Variants in KAZN observed in about 807,000 individuals in gnomAD.
KAZN encodes the protein kazrin, periplakin interacting protein.
In KAZN, 40 loss-of-function variants were observed where a neutral mutation model predicts 87.4. That is an observed-to-expected ratio of 0.46 (90% CI 0.36 to 0.60). The LOEUF is 0.60. Among genes scored for constraint, KAZN ranks in the 20% least tolerant of loss-of-function variants. The pLI is 0.00. For missense variants in KAZN, 898 were observed against 1,073.9 expected (o/e 0.84, Z 2.29); for synonymous variants, 466 against 458.3 (o/e 1.02, Z -0.22).
chr1:14,577,281 G>T (rs1675250340), intron 2 of KAZN, among the ~76,000 whole-genome samples: 1 of 152,156 alleles, frequency 6.6e-6, no homozygotes, highest in Non-Finnish European at 1.5e-5. Flanking sequence ...ATTGATTTCT[G>T]CTTTTCAAGC....
intron 2 of KAZN, among the ~76,000 whole-genome samples, chr1:14,393,086 A>G (rs1318677731): frequency 1.3e-5 from 2 of 152,082 alleles, no homozygotes; most frequent in Admixed American, 6.5e-5. Context: ...AAACTTGAAT[A>G]TTGTTTGTTT....
At chr1:13,914,110 A>G (rs1214770194) in intron 1 of KAZN, among the ~76,000 whole-genome samples, 2 of 152,226 alleles carry the variant, frequency 1.3e-5, no homozygotes, top group Non-Finnish European at 1.5e-5. Flanking sequence ...AGGAATTTCA[A>G]GCTCATAGGG....
At chr1:14,857,534 C>CAGAT (rs1650279142) in intron 1 of KAZN, among the ~76,000 whole-genome samples, 1 of 150,452 alleles carries the variant, frequency 6.6e-6, no homozygotes, top group Non-Finnish European at 1.5e-5. Context: ...CACACTCTCA[C>CAGAT]AAATAAATAA....
chr1:15,042,498 GAGC>G (rs1184242343), intron 3 of KAZN, among the ~76,000 whole-genome samples: 2 of 152,154 alleles, frequency 1.3e-5, no homozygotes, highest in African/African-American at 4.8e-5. Flanking sequence ...TGAGTGAGGC[GAGC>G]AGGTGCCTGC....
intron 2 of KAZN, among the ~76,000 whole-genome samples, chr1:14,566,901 T>A (rs982314727): frequency 6.6e-6 from 1 of 152,260 alleles, no homozygotes; most frequent in Non-Finnish European, 1.5e-5. Flanking sequence ...TAGTTTGATC[T>A]TCTATCCAGA....
chr1:14,471,918 T>C (rs1668476193), intron 2 of KAZN, among the ~76,000 whole-genome samples: 1 of 152,220 alleles, frequency 6.6e-6, no homozygotes, highest in Non-Finnish European at 1.5e-5. Flanking sequence ...TGTATTAGTC[T>C]CTTACCCGCT....
intron 2 of KAZN, among the ~76,000 whole-genome samples, chr1:14,553,844 C>A (rs991833386): frequency 6.6e-6 from 1 of 152,108 alleles, no homozygotes; most frequent in Admixed American, 6.5e-5. Flanking sequence ...TTGAAATGAC[C>A]AATCCTGGGC....
At position 14,598,911 on chromosome 1, in the gene KAZN, G is replaced by A. The variant is rs949742206; in HGVS notation, c.-87G>A. On this transcript the variant is annotated 5_prime_UTR_variant, in exon 1 of 15. Transcript: ENST00000376030. This position sits in a 1 kb window ranked among gnomAD's most constrained non-coding sequence, Gnocchi z 4.2. ...AGCCGGGCCGCGGAGGACACAACAG[G>A]TAGAGCCGGGGGTGCCCGGCCGCGC... 5 of 1,543,132 alleles carry A rather than the reference G, an allele frequency of 3.2e-6. No homozygotes were observed. In the African/African-American group the frequency reaches 7.1e-5, roughly 22 times the overall value.
At chr1:14,317,001 T>C (rs1237855184) in intron 2 of KAZN, among the ~76,000 whole-genome samples, 1 of 151,978 alleles carries the variant, frequency 6.6e-6, no homozygotes, top group Non-Finnish European at 1.5e-5. Context: ...GAAAGTTTAC[T>C]CCATTATTGG....
At chr1:14,699,731 A>G (rs1319513139) in intron 1 of KAZN, among the ~76,000 whole-genome samples, 4 of 152,216 alleles carry the variant, frequency 2.6e-5, no homozygotes, top group Non-Finnish European at 5.9e-5. Context: ...GTGCTAGTAA[A>G]TGTTTGACAG....
At chr1:14,320,430 A>G (rs1445513916) in intron 2 of KAZN, among the ~76,000 whole-genome samples, 1 of 152,176 alleles carries the variant, frequency 6.6e-6, no homozygotes, top group East Asian at 1.9e-4. Flanking sequence ...TGGGGATTTA[A>G]TATCTTTTCT....
chr1:14,561,342 A>G (rs1233081270), intron 2 of KAZN, among the ~76,000 whole-genome samples: 3 of 152,234 alleles, frequency 2.0e-5, no homozygotes, highest in African/African-American at 4.8e-5. Context: ...GAAGGGACAG[A>G]AAAGGCATTG....
intron 1 of KAZN, among the ~76,000 whole-genome samples, chr1:14,093,764 A>C (rs1644062110): frequency 6.6e-6 from 1 of 152,230 alleles, no homozygotes; most frequent in South Asian, 2.1e-4. Flanking sequence ...CAGATTGAAG[A>C]CCCAAAAGTA....
At chr1:15,089,732 C>CAAAAAAAAAAAAAAAAAAAAAAA (rs56260619) in intron 8 of KAZN, among the ~76,000 whole-genome samples, 1 of 68,914 alleles carries the variant, frequency 1.5e-5, no homozygotes, top group Non-Finnish European at 3.1e-5. Flanking sequence ...CTTTTATTGG[C>CAAAAAAAAAAAAAAAAAAAAAAA]AAAAAAAAAA....
At chr1:14,657,242 C>T (rs1638860135) in intron 1 of KAZN, among the ~76,000 whole-genome samples, 1 of 152,132 alleles carries the variant, frequency 6.6e-6, no homozygotes, top group Admixed American at 6.5e-5. Flanking sequence ...TGCCACCACA[C>T]CTGGCTAATC....
chr1:14,862,215 C>G (rs991947555), intron 1 of KAZN, among the ~76,000 whole-genome samples: 2 of 152,180 alleles, frequency 1.3e-5, no homozygotes, highest in Non-Finnish European at 2.9e-5. Flanking sequence ...CACCACTTGA[C>G]AACGGCCATA....
intron 1 of KAZN, among the ~76,000 whole-genome samples, chr1:14,619,566 A>T (rs1324434897): frequency 6.6e-6 from 1 of 152,200 alleles, no homozygotes; most frequent in Non-Finnish European, 1.5e-5. Context: ...AAATCATTTT[A>T]AAATGTGCAA....
chr1:14,263,998 CATTA>C (rs1475116731), intron 2 of KAZN, among the ~76,000 whole-genome samples: 6 of 152,172 alleles, frequency 3.9e-5, no homozygotes, highest in African/African-American at 1.4e-4. Flanking sequence ...TCCCCTGTTG[CATTA>C]ATTTTTATTT....
chr1:14,312,116 A>G lies in KAZN; in HGVS notation c.249+131524A>G, dbSNP rs1655346095. ...TAGAAATAAGAGGGGAAAGCCATTT[A>G]GAGTATGCTACAGGGAAGCAGAGAA... On this transcript the variant is annotated intron_variant, in intron 2 of 16. Coordinates refer to the KAZN transcript ENST00000636203. Among the ~76,000 whole-genome samples the G allele has an allele frequency of 2.0e-5, 3 of 150,230 alleles. No individual in the cohort carries two copies. In the South Asian group the frequency reaches 6.3e-4, roughly 31 times the overall value.
Sources: allele counts gnomAD v4.1 joint callset (sites outside exome capture counted in the v4.1 genomes callset), GRCh38; gene constraint gnomAD v4.1.1; non-coding constraint Gnocchi (gnomAD v3.1); transcripts MANE v1.5; gene names NCBI Gene and HGNC (gene_info 2026-07-23, HGNC 2026-07-21).